BLNK: variants seen among roughly 807,000 people sequenced by gnomAD.
BLNK encodes the protein B-cell linker protein.
BLNK carries 29 observed loss-of-function variants against 73.5 expected under a neutral mutation model. The ratio of observed to expected loss-of-function variants is 0.39; its 90% CI spans 0.29 to 0.54. BLNK has a LOEUF of 0.54. BLNK is among the 20% of genes least tolerant of loss of function. BLNK has a pLI of 0.61. For missense variants in BLNK, 460 were observed against 562.8 expected, an observed-to-expected ratio of 0.82 and a Z score of 1.85; for synonymous variants, 176 against 200.8, an observed-to-expected ratio of 0.88 and a Z score of 1.04.
chr10:96,229,752 G>A (rs1191955761), intron 4 of BLNK, among the ~76,000 whole-genome samples: 5 of 151,886 alleles, frequency 3.3e-5, no homozygotes, highest in Non-Finnish European at 7.4e-5. Context: ...AGGGAGCTGC[G>A]GCTGCTGGGC....
chr10:96,223,452 G>A (rs1554901654), intron 6 of BLNK, among the ~76,000 whole-genome samples: 1 of 152,138 alleles, frequency 6.6e-6, no homozygotes, highest in East Asian at 1.9e-4. Flanking sequence ...GGCAAGAATT[G>A]AGGTTGCTGC....
intron 16 of BLNK, among the ~76,000 whole-genome samples, chr10:96,194,332 T>C (rs1203830944): frequency 6.6e-6 from 1 of 151,834 alleles, no homozygotes. Context: ...GATTCAAGAG[T>C]TTTGCATTTT....
In BLNK at chr10:96,189,225, A is replaced by G. The variant is rs762909224; in HGVS notation, c.*2748T>C. The G allele has an allele frequency of 6.0e-5, 22 of 368,782 alleles. No homozygotes were observed. Among genetic ancestry groups the G allele is most frequent in the Non-Finnish European group, 1.0e-4 (20 of 196,498 alleles). The allele number at this position is 368,782 out of a possible 1,614,324, so 22.8% of individuals were successfully genotyped here. A position where few individuals can be genotyped will look rare whatever the true frequency, so the allele number is the denominator to read the frequency against. On this transcript the variant is annotated 3_prime_UTR_variant, in exon 17 of 17. Transcript: ENST00000224337. The stretch of plus-strand genomic sequence containing the variant: ...CATTTTGGACAACACATTCTTGGCA[A>G]TGGAACCTGGACAACATTTATTAAA...
intron 1 of BLNK, among the ~76,000 whole-genome samples, chr10:96,268,890 T>A (rs1375417891): frequency 6.6e-6 from 1 of 152,166 alleles, no homozygotes; most frequent in African/African-American, 2.4e-5. Flanking sequence ...AGTATAAACA[T>A]AACTGTCCAC....
In BLNK at chr10:96,189,924, A is replaced by G. The variant is rs781903077; in HGVS notation, c.*2049T>C. On this transcript the variant is annotated 3_prime_UTR_variant, in exon 17 of 17. Transcript: ENST00000224337. ...GGCCCTGAACCACACTTCAACCATA[A>G]AAGCACTGGTGGTGTTATTTCAAAG... 1.0e-6 allele frequency: 1 copy of G among 980,938 alleles called. No homozygotes were observed. Among genetic ancestry groups the G allele is most frequent in the Non-Finnish European group, 1.6e-6 (1 of 617,538 alleles). 60.8% of individuals were successfully genotyped at this position (980,938 alleles called of 1,614,324 possible).
At chr10:96,232,531 A>T (rs1554904226) in intron 3 of BLNK, among the ~76,000 whole-genome samples, 1 of 152,156 alleles carries the variant, frequency 6.6e-6, no homozygotes, top group African/African-American at 2.4e-5. Flanking sequence ...ATACTGTGGG[A>T]TCGGAGTGGC....
At chr10:96,194,395 T>C (rs2083405952) in intron 16 of BLNK, among the ~76,000 whole-genome samples, 1 of 152,152 alleles carries the variant, frequency 6.6e-6, no homozygotes, top group South Asian at 2.1e-4. Context: ...AATATAAAAA[T>C]TCTAGAAGAA....
intron 3 of BLNK, among the ~76,000 whole-genome samples, chr10:96,237,571 G>C (rs952624944): frequency 7.9e-5 from 12 of 152,120 alleles, no homozygotes; most frequent in African/African-American, 2.9e-4. Flanking sequence ...CATCTGCAGT[G>C]ATCCCAGCAG....
chr10:96,203,716 A>G (rs1298227510), intron 13 of BLNK: 2 of 191,430 alleles, frequency 1.0e-5, no homozygotes, highest in African/African-American at 4.7e-5. Context: ...CAAACACTAT[A>G]GCTGGTGCTT....
Position 96,269,791 on chromosome 10 carries a change from A to G in BLNK, c.47+1561T>C, listed in dbSNP as rs563012010. On this transcript the variant is annotated intron_variant, in intron 1 of 16. Coordinates refer to ENST00000224337, the MANE Select transcript of BLNK (RefSeq NM_013314.4). ...AGGACCTTCAGGTCCCACATTCCCT[A>G]CTCTTTAGTTTCTGCTGGACAGAAA... Among the ~76,000 whole-genome samples the G allele has an allele frequency of 1.9e-4, 29 of 151,506 alleles. No homozygotes were observed. The South Asian group carries it at 3.1e-3, about 16-fold the overall frequency.
At chr10:96,220,522 C>T (rs1330141042) in intron 6 of BLNK, among the ~76,000 whole-genome samples, 2 of 152,148 alleles carry the variant, frequency 1.3e-5, no homozygotes, top group African/African-American at 4.8e-5. Flanking sequence ...AATGCTTTAA[C>T]GTTGTTATTG....
At chr10:96,215,444 A>G (rs2084043322) in intron 7 of BLNK, 55 bp from the exon 8 acceptor site, 4 of 1,490,292 alleles carry the variant, frequency 2.7e-6, no homozygotes, top group Non-Finnish European at 3.7e-6. Context: ...TAAAACCATT[A>G]CAGATACATG....
intron 9 of BLNK, among the ~76,000 whole-genome samples, chr10:96,208,182 C>T (rs782198077): frequency 6.6e-6 from 1 of 152,182 alleles, no homozygotes; most frequent in South Asian, 2.1e-4. Context: ...AATTACTTGG[C>T]GGGTGACCTT....
At chr10:96,192,387 G>T (rs1192096853) in intron 16 of BLNK, among the ~76,000 whole-genome samples, 1 of 152,032 alleles carries the variant, frequency 6.6e-6, no homozygotes, top group Non-Finnish European at 1.5e-5. Context: ...TTTATTTACC[G>T]TTAAATGTAA....
At chr10:96,202,374 C>G (rs2083668457) in intron 13 of BLNK, among the ~76,000 whole-genome samples, 1 of 152,162 alleles carries the variant, frequency 6.6e-6, no homozygotes, top group African/African-American at 2.4e-5. Context: ...TTGGACAGAT[C>G]ACAGCAGTGG....
At chr10:96,224,453 T>A (rs2084273385) in intron 5 of BLNK, among the ~76,000 whole-genome samples, 1 of 152,222 alleles carries the variant, frequency 6.6e-6, no homozygotes, top group Non-Finnish European at 1.5e-5. Flanking sequence ...ATCCAGGTGG[T>A]GATTACTCAC....
intron 1 of BLNK, among the ~76,000 whole-genome samples, chr10:96,261,220 A>G (rs1554912736): frequency 2.0e-5 from 3 of 152,220 alleles, no homozygotes; most frequent in African/African-American, 7.2e-5. Context: ...AATATAGGAA[A>G]TTGTTTAATT....
At chr10:96,228,535 G>C (rs988432959) in intron 4 of BLNK, among the ~76,000 whole-genome samples, 17 of 152,168 alleles carry the variant, frequency 1.1e-4, no homozygotes, top group African/African-American at 4.1e-4. Context: ...GAGATTACAG[G>C]CATGAGCCAC....
At chr10:96,196,705 C>A (rs1199317197) in intron 16 of BLNK, among the ~76,000 whole-genome samples, 2 of 152,200 alleles carry the variant, frequency 1.3e-5, no homozygotes, top group Non-Finnish European at 2.9e-5. Flanking sequence ...GCATGTACAT[C>A]ACATGACTTT....
Sources: allele counts gnomAD v4.1 joint callset (sites outside exome capture counted in the v4.1 genomes callset), GRCh38; gene constraint gnomAD v4.1.1; transcripts MANE v1.5; gene names NCBI Gene and HGNC (gene_info 2026-07-23, HGNC 2026-07-21).